Variants in TESK2 observed in about 807,000 individuals in gnomAD.
The protein encoded by TESK2 is dual specificity testis-specific protein kinase 2.
In TESK2, 39 loss-of-function variants were observed where a neutral mutation model predicts 57.1. That is an observed-to-expected ratio of 0.68 (90% CI 0.53 to 0.89). The LOEUF is 0.89. Among genes scored for constraint, TESK2 ranks in the 40% least tolerant of loss-of-function variants. The probability of loss-of-function intolerance (pLI) is 0.00; values close to 1 mark genes in which losing one functional copy is unlikely to be tolerated. For synonymous variants in TESK2, 249 were observed against 267.9 expected (o/e 0.93, Z 0.69); for missense variants, 646 against 732.1 (o/e 0.88, Z 1.36).
In TESK2 at chr1:45,345,367, G is replaced by A. The variant is rs1176912536; in HGVS notation, c.1189C>T (p.Pro397Ser). ...CGAGCACTAAAAGGGTTGACTTTGG[G>A]GGTGCGGGCAGCACCATCTCGTGGC... is the stretch of plus-strand genomic sequence containing the variant. ...YRPRDGAART[P>S]KVNPFSARQD... is the part of the protein sequence containing the mutation. The change falls in exon 11 of 11, where the codon CCC becomes TCC. Residue 397 changes from proline (P) to serine (S), a missense_variant. Coordinates refer to ENST00000372086, the MANE Select transcript of TESK2 (RefSeq NM_007170.3). The A allele has an allele frequency of 6.2e-7, 1 of 1,614,064 alleles. No individual in the cohort carries two copies. Among genetic ancestry groups the A allele is most frequent in the African/African-American group, 1.3e-5 (1 of 74,920 alleles).
chr1:45,429,631 G>A (rs554475640), intron 2 of TESK2, among the ~76,000 whole-genome samples: 52 of 152,174 alleles, frequency 3.4e-4, no homozygotes, highest in African/African-American at 1.2e-3. Context: ...TTTAACAGAC[G>A]AGACTAAAAA....
At chr1:45,377,410 G>C (rs962083225) in intron 4 of TESK2, among the ~76,000 whole-genome samples, 2 of 149,226 alleles carry the variant, frequency 1.3e-5, no homozygotes, top group African/African-American at 5.0e-5. Context: ...ATTCTAATAA[G>C]AGAACAAGGA....
At chr1:45,414,875 T>C in intron 3 of TESK2, 3 of 370,794 alleles carry the variant, frequency 8.1e-6, no homozygotes, top group Non-Finnish European at 1.5e-5. Flanking sequence ...AAGGTTCTAT[T>C]GGACAGCAAT....
At chr1:45,388,910 C>T (rs922729684) in intron 3 of TESK2, among the ~76,000 whole-genome samples, 2 of 151,882 alleles carry the variant, frequency 1.3e-5, no homozygotes, top group Admixed American at 6.6e-5. Flanking sequence ...TTAGTAGGGA[C>T]GGGGTTTCAC....
At chr1:45,423,615 G>C (rs1284996786) in intron 2 of TESK2, among the ~76,000 whole-genome samples, 2 of 149,536 alleles carry the variant, frequency 1.3e-5, no homozygotes, top group African/African-American at 4.9e-5. Context: ...ATAGAAAGAA[G>C]TCCGTGAACC....
chr1:45,409,487 G>C lies in TESK2; in HGVS notation c.344+12238C>G, dbSNP rs561150095. On this transcript the variant is annotated intron_variant, in intron 3 of 10. Coordinates refer to ENST00000372086, the MANE Select transcript of TESK2 (RefSeq NM_007170.3). ...AGGCCAAATCATTTAGGGCCTGATAGGTTAAAGCCCAGAGTATGAACTTTG... is the reference window on the plus strand; with the variant it reads ...AGGCCAAATCATTTAGGGCCTGATACGTTAAAGCCCAGAGTATGAACTTTG... Among the ~76,000 whole-genome samples, 24 of 152,312 alleles carry C rather than the reference G, an allele frequency of 1.6e-4. No homozygotes were observed. In the South Asian group the frequency reaches 3.1e-3, roughly 20 times the overall value.
In TESK2 at chr1:45,345,383, A is replaced by G. The variant is rs772954719; in HGVS notation, c.1173T>C (p.Asp391=). The change falls in exon 11 of 11, where the codon GAT becomes GAC. Residue 391 remains aspartate, a synonymous_variant. Transcript: ENST00000372086. The part of the protein sequence containing the change: ...SVLDPYYRPR[D]GAARTPKVNP... ...TGACTTTGGGGGTGCGGGCAGCACC[A>G]TCTCGTGGCCGGTAGTATGGGTCCA... 2 of 1,613,942 alleles carry G rather than the reference A, an allele frequency of 1.2e-6. No individual in the cohort carries two copies. The highest frequency in any genetic ancestry group is 2.7e-5 in the African/African-American group (2 of 74,870).
Position 45,346,676 on chromosome 1 carries a change from G to A in TESK2, c.879+17C>T. On this transcript the variant is annotated intron_variant, in intron 9 of 10. Transcript: ENST00000372086. ...CAGCCAGCCCCTGATGAAAGGCAGA[G>A]GGAGAAAGACACTCACGTTACAGCA... 2 of 1,607,552 alleles carry A rather than the reference G, an allele frequency of 1.2e-6. No homozygotes were observed. The highest frequency in any genetic ancestry group is 1.1e-5 in the South Asian group (1 of 89,916).
intron 2 of TESK2, among the ~76,000 whole-genome samples, chr1:45,437,766 T>C (rs1407268848): frequency 6.6e-6 from 1 of 152,228 alleles, no homozygotes; most frequent in Non-Finnish European, 1.5e-5. Flanking sequence ...GGATGTTGAA[T>C]TTTATAAAAT....
At chr1:45,461,615 G>C (rs1312826478) in intron 1 of TESK2, among the ~76,000 whole-genome samples, 1 of 152,064 alleles carries the variant, frequency 6.6e-6, no homozygotes, top group African/African-American at 2.4e-5. Flanking sequence ...AATTTGAACA[G>C]AGACAGAAAA....
At chr1:45,396,192 C>CA (rs1296319876) in intron 3 of TESK2, among the ~76,000 whole-genome samples, 1 of 152,090 alleles carries the variant, frequency 6.6e-6, no homozygotes, top group African/African-American at 2.4e-5. Context: ...CCTCCATGTT[C>CA]AAGTGATTCT....
intron 2 of TESK2, among the ~76,000 whole-genome samples, chr1:45,431,988 G>A (rs1277276400): frequency 1.3e-5 from 2 of 152,112 alleles, no homozygotes; most frequent in African/African-American, 4.8e-5. Context: ...GCTCATGCCT[G>A]TAATCCCAGC....
chr1:45,464,515 G>A (rs973138423), intron 1 of TESK2, among the ~76,000 whole-genome samples: 2 of 151,812 alleles, frequency 1.3e-5, no homozygotes, highest in Non-Finnish European at 2.9e-5. Flanking sequence ...CCTATTTGAA[G>A]CTGTTGTAAA....
chr1:45,487,160 A>G (rs1653520301), intron 1 of TESK2, among the ~76,000 whole-genome samples: 1 of 152,122 alleles, frequency 6.6e-6, no homozygotes, highest in Non-Finnish European at 1.5e-5. Flanking sequence ...ATCAAAGCCC[A>G]TCATATGTCA....
At chr1:45,481,421 G>A (rs1041888375) in intron 1 of TESK2, among the ~76,000 whole-genome samples, 1 of 152,050 alleles carries the variant, frequency 6.6e-6, no homozygotes, top group African/African-American at 2.4e-5. Flanking sequence ...GGAACCATGG[G>A]CAACTGTACA....
chr1:45,467,812 T>C (rs1652614839), intron 1 of TESK2, among the ~76,000 whole-genome samples: 1 of 152,150 alleles, frequency 6.6e-6, no homozygotes, highest in African/African-American at 2.4e-5. Context: ...GGAATATATA[T>C]ATCTTAGGCT....
At chr1:45,421,573 G>C (rs1650479055) in intron 3 of TESK2, 152 bp downstream of exon 3, 1 of 1,054,092 alleles carries the variant, frequency 9.5e-7, no homozygotes, top group Non-Finnish European at 1.4e-6. Context: ...GTCTCAATGG[G>C]TAGAAAACGA....
chr1:45,479,598 CA>C (rs35077278), intron 1 of TESK2, among the ~76,000 whole-genome samples: 2 of 150,852 alleles, frequency 1.3e-5, no homozygotes, highest in Non-Finnish European at 3.0e-5. Context: ...CCAGCCCCCC[CA>C]AAAAATTATA....
intron 1 of TESK2, among the ~76,000 whole-genome samples, chr1:45,462,060 C>T (rs1652352728): frequency 6.6e-6 from 1 of 152,054 alleles, no homozygotes; most frequent in African/African-American, 2.4e-5. Context: ...TACCTATTAA[C>T]CATCCCATTT....
Sources: gnomAD v4.1 joint callset for allele counts (sites outside exome capture counted in the v4.1 genomes callset) on GRCh38, gnomAD v4.1.1 for gene constraint, MANE v1.5 for transcripts, NCBI Gene and HGNC (gene_info 2026-07-23, HGNC 2026-07-21) for gene names.